CDYL: variants seen among roughly 807,000 people sequenced by gnomAD.
CDYL encodes the protein chromodomain Y like, also known as chromodomain Y-like protein.
CDYL carries 8 observed loss-of-function variants against 47.3 expected under a neutral mutation model. The observed-to-expected ratio is 0.17, with a 90% CI of 0.10 to 0.31. CDYL has a LOEUF of 0.31. Among genes scored for constraint, CDYL ranks in the 10% least tolerant of loss-of-function variants. CDYL has a pLI of 1.00. For synonymous variants in CDYL, 266 were observed against 265.0 expected, an observed-to-expected ratio of 1.00 and a Z score of -0.04; for missense variants, 471 against 701.4, an observed-to-expected ratio of 0.67 and a Z score of 3.71.
At chr6:4,881,862 G>A (rs942870688) in intron 1 of CDYL, among the ~76,000 whole-genome samples, 2 of 152,174 alleles carry the variant, frequency 1.3e-5, no homozygotes, top group African/African-American at 4.8e-5. Context: ...ATTCTCCATA[G>A]GTCTTCTGCA....
At chr6:4,764,317 T>G (rs1244343341) in intron 3 of CDYL, among the ~76,000 whole-genome samples, 2 of 152,136 alleles carry the variant, frequency 1.3e-5, no homozygotes, top group Non-Finnish European at 2.9e-5. Context: ...TGAGATGGAG[T>G]CTTGCTCTGT....
At chr6:4,784,660 G>T (rs902763645) in intron 1 of CDYL, among the ~76,000 whole-genome samples, 1 of 152,118 alleles carries the variant, frequency 6.6e-6, no homozygotes, top group African/African-American at 2.4e-5. Context: ...GTCTTACGAT[G>T]GTGGTCCCGT....
intron 1 of CDYL, among the ~76,000 whole-genome samples, chr6:4,797,948 C>T (rs1441912719): frequency 1.3e-5 from 2 of 151,944 alleles, no homozygotes; most frequent in Non-Finnish European, 2.9e-5. Flanking sequence ...GAGTATGATA[C>T]CCAGGAGTGA....
intron 2 of CDYL, among the ~76,000 whole-genome samples, chr6:4,920,276 C>T (rs905304224): frequency 1.3e-5 from 2 of 152,148 alleles, no homozygotes; most frequent in African/African-American, 4.8e-5. Flanking sequence ...CGTGAATGTG[C>T]TTAATGCCAT....
intron 1 of CDYL, among the ~76,000 whole-genome samples, chr6:4,887,865 T>A (rs1446581374): frequency 6.6e-6 from 1 of 152,060 alleles, no homozygotes; most frequent in South Asian, 2.1e-4. Context: ...TTCCCTCTAT[T>A]TCTAGTTTAC....
At chr6:4,775,089 G>C (rs1447875466), upstream of CDYL, among the ~76,000 whole-genome samples, 1 of 152,198 alleles carries the variant, frequency 6.6e-6, no homozygotes, top group Non-Finnish European at 1.5e-5. This position sits in a 1 kb window ranked among gnomAD's most constrained non-coding sequence, Gnocchi z 7.0. Context: ...GAAAACTGGT[G>C]GGAGGAGCCT....
At position 4,862,606 on chromosome 6, in the gene CDYL, G is replaced by T. The variant is rs1356713048; in HGVS notation, c.25-29107G>T. On this transcript the variant is annotated intron_variant, in intron 1 of 6. Transcript: ENST00000397588. The stretch of plus-strand genomic sequence containing the variant: ...TACCTTTGGGGGCTGTTAAGTTAAT[G>T]TGAATGCCCACTATAGCTATTAGTG... 3.9e-5 allele frequency among the ~76,000 whole-genome samples: 6 copies of T among 152,304 alleles called. No homozygotes were observed. The East Asian group carries it at 7.7e-4, about 20-fold the overall frequency.
chr6:4,897,850 G>C (rs1210595817), intron 2 of CDYL, among the ~76,000 whole-genome samples: 6 of 150,376 alleles, frequency 4.0e-5, no homozygotes, highest in Non-Finnish European at 8.9e-5. Flanking sequence ...GAGGTCAGGA[G>C]ATCAAGACCA....
At chr6:4,821,433 A>G (rs1396701398) in intron 1 of CDYL, among the ~76,000 whole-genome samples, 1 of 151,790 alleles carries the variant, frequency 6.6e-6, no homozygotes, top group Non-Finnish European at 1.5e-5. Flanking sequence ...GGAATTCTTC[A>G]TATAAAAGCA....
intron 2 of CDYL, among the ~76,000 whole-genome samples, chr6:4,935,096 G>A (rs1453100708): frequency 6.6e-6 from 1 of 152,114 alleles, no homozygotes. Context: ...TCTTGCATTT[G>A]GAAAAAGAAG....
At chr6:4,821,260 C>CTTTTTTTTTTTTTTTTTT (rs1176819548) in intron 1 of CDYL, among the ~76,000 whole-genome samples, 1 of 60,384 alleles carries the variant, frequency 1.7e-5, no homozygotes, top group African/African-American at 7.2e-5. Flanking sequence ...TATGGGAATT[C>CTTTTTTTTTTTTTTTTTT]TTTTTTTTTT....
At chr6:4,777,164 G>A (rs1324814801) in intron 1 of CDYL, among the ~76,000 whole-genome samples, 3 of 146,766 alleles carry the variant, frequency 2.0e-5, no homozygotes, top group Non-Finnish European at 4.5e-5. Context: ...TACGGGGGGT[G>A]GGGTGTGGGG....
intron 1 of CDYL, among the ~76,000 whole-genome samples, chr6:4,779,697 A>G (rs1758558727): frequency 6.6e-6 from 1 of 152,320 alleles, no homozygotes; most frequent in South Asian, 2.1e-4. Context: ...GATGCGGCGT[A>G]GGTTAGAACT....
At chr6:4,747,323 A>AAT (rs1554133533) in intron 3 of CDYL, among the ~76,000 whole-genome samples, 2 of 151,264 alleles carry the variant, frequency 1.3e-5, no homozygotes, top group African/African-American at 4.9e-5. Flanking sequence ...AAAAAAAAAA[A>AAT]TCATGGGCAT....
chr6:4,918,783 G>C (rs776078602), intron 2 of CDYL, among the ~76,000 whole-genome samples: 3 of 152,154 alleles, frequency 2.0e-5, no homozygotes, highest in Non-Finnish European at 4.4e-5. Context: ...CTTTATCTCT[G>C]TGTATGTTTT....
At chr6:4,921,828 A>G (rs1377271286) in intron 2 of CDYL, among the ~76,000 whole-genome samples, 1 of 152,070 alleles carries the variant, frequency 6.6e-6, no homozygotes, top group Non-Finnish European at 1.5e-5. Context: ...TTCAAAAAAT[A>G]CTTATTGAGC....
chr6:4,752,836 A>ATG (rs35686534), intron 3 of CDYL, among the ~76,000 whole-genome samples: 112,995 of 148,784 alleles, frequency 0.76, 46,630 homozygotes, highest in Non-Finnish European at 0.91. Context: ...AAGGAAAATA[A>ATG]TGTGTGTGTG....
chr6:4,925,443 ACT>A (rs1757842121), intron 2 of CDYL, among the ~76,000 whole-genome samples: 1 of 113,960 alleles, frequency 8.8e-6, no homozygotes, highest in Admixed American at 1.3e-4. Flanking sequence ...ACAGAATCTC[ACT>A]CTGTCGCCCA....
intron 1 of CDYL, among the ~76,000 whole-genome samples, chr6:4,843,673 C>T (rs979844707): frequency 1.3e-5 from 2 of 151,802 alleles, no homozygotes; most frequent in Non-Finnish European, 2.9e-5. Flanking sequence ...TTCCATAAGT[C>T]GTGATTATTT....
Sources: gnomAD v4.1 joint callset for allele counts (sites outside exome capture counted in the v4.1 genomes callset) on GRCh38, gnomAD v4.1.1 for gene constraint, Gnocchi (gnomAD v3.1) non-coding constraint, MANE v1.5 for transcripts, NCBI Gene and HGNC (gene_info 2026-07-23, HGNC 2026-07-21) for gene names.